PVT1: variants seen among roughly 807,000 people sequenced by gnomAD.
PVT1 encodes the protein CXCR4/PVT1 fusion.
At chr8:127,883,651 A>T (rs1250015223) in intron 2 of PVT1, among the ~76,000 whole-genome samples, 1 of 152,014 alleles carries the variant, frequency 6.6e-6, no homozygotes, top group Non-Finnish European at 1.5e-5. Flanking sequence ...AAAATAAAAT[A>T]AAAAAAGAAT....
chr8:128,032,201 G>C (rs1813399840), intron 4 of PVT1, among the ~76,000 whole-genome samples: 1 of 152,186 alleles, frequency 6.6e-6, no homozygotes, highest in Non-Finnish European at 1.5e-5. Context: ...GCCCAGAGCT[G>C]AGGAGGAGGA....
At chr8:127,987,714 C>A (rs192575320) in intron 3 of PVT1, among the ~76,000 whole-genome samples, 2 of 152,324 alleles carry the variant, frequency 1.3e-5, no homozygotes, top group African/African-American at 4.8e-5. Context: ...AACTGGGACA[C>A]CAACCCAGGA....
At chr8:127,867,679 T>C (rs1815299863) in intron 2 of PVT1, among the ~76,000 whole-genome samples, 1 of 152,188 alleles carries the variant, frequency 6.6e-6, no homozygotes, top group Admixed American at 6.5e-5. Flanking sequence ...TGCAGTCTCA[T>C]TTTTTATGCA....
intron 4 of PVT1, among the ~76,000 whole-genome samples, chr8:128,033,673 G>T (rs1266515893): frequency 2.0e-5 from 3 of 152,176 alleles, no homozygotes; most frequent in Non-Finnish European, 4.4e-5. Context: ...CCAGTTCAGC[G>T]AAATCTCCAG....
At chr8:128,024,873 A>C (rs1250810886) in intron 4 of PVT1, among the ~76,000 whole-genome samples, 3 of 152,126 alleles carry the variant, frequency 2.0e-5, no homozygotes, top group Non-Finnish European at 4.4e-5. Flanking sequence ...TCATTCATTC[A>C]TTTATTTTTA....
chr8:127,988,383 G>A (rs991951490), intron 3 of PVT1, among the ~76,000 whole-genome samples: 5 of 152,198 alleles, frequency 3.3e-5, no homozygotes, highest in Admixed American at 1.3e-4. Flanking sequence ...GGTTTTCTGT[G>A]GGGGCCACAC....
chr8:127,892,929 C>G (rs750353226), intron 3 of PVT1, among the ~76,000 whole-genome samples: 1 of 152,196 alleles, frequency 6.6e-6, no homozygotes, highest in Non-Finnish European at 1.5e-5. Flanking sequence ...CACACCCTAT[C>G]GTGGTGGCAG....
At chr8:128,042,776 T>C (rs915416698) in intron 4 of PVT1, among the ~76,000 whole-genome samples, 12 of 151,640 alleles carry the variant, frequency 7.9e-5, no homozygotes, top group African/African-American at 2.9e-4. Flanking sequence ...TTATTTTATT[T>C]TATTTTAAGA....
chr8:127,876,253 AGTGTGT>A (rs56039408), intron 2 of PVT1, among the ~76,000 whole-genome samples: 43,756 of 148,916 alleles, frequency 0.29, 6,693 homozygotes, highest in East Asian at 0.49. Context: ...CCCAAACAGC[AGTGTGT>A]GTGTGTGTGT....
intron 3 of PVT1, among the ~76,000 whole-genome samples, chr8:127,929,149 A>G (rs1816168865): frequency 1.3e-5 from 2 of 151,662 alleles, no homozygotes; most frequent in South Asian, 2.1e-4. Context: ...GCATTGCATG[A>G]AAGGTCTTTT....
chr8:127,946,880 C>T (rs1816427260), intron 3 of PVT1: 1 of 152,818 alleles, frequency 6.5e-6, no homozygotes, highest in Non-Finnish European at 1.5e-5. Flanking sequence ...CTCCCTCCTC[C>T]CTTCCCTTCC....
At chr8:127,958,139 C>T (rs1586455418) in intron 3 of PVT1, among the ~76,000 whole-genome samples, 1 of 152,178 alleles carries the variant, frequency 6.6e-6, no homozygotes, top group African/African-American at 2.4e-5. Context: ...AGGTTGTAAA[C>T]TATTCATTTA....
chr8:127,841,684 C>T (rs966862737), intron 2 of PVT1, among the ~76,000 whole-genome samples: 5 of 152,048 alleles, frequency 3.3e-5, no homozygotes, highest in African/African-American at 1.2e-4. Flanking sequence ...ATCACAGATG[C>T]AATTTTGTGC....
chr8:128,011,498 T>A (rs1243279913), intron 4 of PVT1, among the ~76,000 whole-genome samples: 1 of 152,156 alleles, frequency 6.6e-6, no homozygotes, highest in Non-Finnish European at 1.5e-5. Flanking sequence ...AAGGGAGCCA[T>A]CCACAATGCA....
At chr8:128,004,985 A>G (rs1488049993) in intron 4 of PVT1, among the ~76,000 whole-genome samples, 1 of 152,148 alleles carries the variant, frequency 6.6e-6, no homozygotes, top group Non-Finnish European at 1.5e-5. Context: ...TACTAAAAAT[A>G]CAAAATTAGC....
At chr8:128,085,187 G>A (rs189047876) in intron 5 of PVT1, among the ~76,000 whole-genome samples, 14 of 152,198 alleles carry the variant, frequency 9.2e-5, no homozygotes, top group Non-Finnish European at 1.5e-4. Flanking sequence ...CTTGTTTGTA[G>A]CCTCAGCTGA....
At chr8:127,816,638 C>G (rs1449329661) in intron 2 of PVT1, among the ~76,000 whole-genome samples, 2 of 152,046 alleles carry the variant, frequency 1.3e-5, no homozygotes, top group South Asian at 4.1e-4. Flanking sequence ...ATTCTCCTGC[C>G]TCAGTCTCCT....
chr8:128,071,984 AC>A lies in PVT1; in HGVS notation n.1114+1625del, dbSNP rs1248438627. On this transcript the variant is annotated intron_variant and non_coding_transcript_variant, in intron 5 of 10. Coordinates refer to ENST00000651587, the Ensembl canonical transcript of PVT1. ...ATGAAGAATGATAATAGTATATTGC[AC>A]CTGCTCACAGAGTTAATAAACATAA... Among the ~76,000 whole-genome samples the A allele has an allele frequency of 2.0e-5, 3 of 152,292 alleles. No individual in the cohort carries two copies. The East Asian group carries it at 5.8e-4, about 29-fold the overall frequency.
At chr8:127,945,954 G>A (rs1483402573) in intron 3 of PVT1, among the ~76,000 whole-genome samples, 1 of 152,176 alleles carries the variant, frequency 6.6e-6, no homozygotes, top group African/African-American at 2.4e-5. Flanking sequence ...CTGTAATAAA[G>A]GACTAAAGCT....
Sources: gnomAD v4.1 joint callset for allele counts (sites outside exome capture counted in the v4.1 genomes callset) on GRCh38, gnomAD v4.1.1 for gene constraint, MANE v1.5 for transcripts, NCBI Gene and HGNC (gene_info 2026-07-23, HGNC 2026-07-21) for gene names.